Variants in SMYD3 observed in about 807,000 individuals in gnomAD.
SMYD3 encodes SET and MYND domain containing 3.
SMYD3 carries 36 observed loss-of-function variants against 57.7 expected under a neutral mutation model. The observed-to-expected ratio is 0.62, with a 90% CI of 0.48 to 0.82. The LOEUF is 0.82. Among genes scored for constraint, SMYD3 ranks in the 40% least tolerant of loss-of-function variants. SMYD3 has a pLI of 0.00. For synonymous variants in SMYD3, 211 were observed against 195.0 expected, an observed-to-expected ratio of 1.08 and a Z score of -0.68; for missense variants, 515 against 538.8, an observed-to-expected ratio of 0.96 and a Z score of 0.44.
intron 10 of SMYD3, among the ~76,000 whole-genome samples, chr1:245,798,529 AGCCACCCAGC>A (rs2047698594): frequency 7.0e-6 from 1 of 143,042 alleles, no homozygotes; most frequent in African/African-American, 2.6e-5. Flanking sequence ...CATGCTTAAG[AGCCACCCAGC>A]TTCTTAATCT....
intron 2 of SMYD3, among the ~76,000 whole-genome samples, chr1:246,348,060 T>TTATATATATA (rs200573424): frequency 6.0e-5 from 5 of 82,976 alleles, no homozygotes; most frequent in African/African-American, 2.1e-4. Context: ...AAAGAAAACG[T>TTATATATATA]TATATATATA....
chr1:246,380,816 T>C (rs2066375906), intron 1 of SMYD3, among the ~76,000 whole-genome samples: 1 of 152,206 alleles, frequency 6.6e-6, no homozygotes, highest in Admixed American at 6.5e-5. Flanking sequence ...TCTGAAGTAA[T>C]AGTTACTGTG....
At position 245,927,128 on chromosome 1, in the gene SMYD3, C is replaced by CT. The variant is rs1405684009; in HGVS notation, c.702+802dup. Among the ~76,000 whole-genome samples, 5 of 152,210 alleles carry CT rather than the reference C, an allele frequency of 3.3e-5. No individual in the cohort carries two copies. In the East Asian group the frequency reaches 9.6e-4, roughly 29 times the overall value. On this transcript the variant is annotated intron_variant, in intron 7 of 11. Transcript: ENST00000490107. The stretch of plus-strand genomic sequence containing the variant: ...CTGTTTTCCTTGCAATAAATATCCA[C>CT]TTTAGCAAATTGGAAAGGAGAAGGA...
chr1:246,244,615 G>A (rs2063671831), intron 5 of SMYD3, among the ~76,000 whole-genome samples: 1 of 152,180 alleles, frequency 6.6e-6, no homozygotes, highest in African/African-American at 2.4e-5. Flanking sequence ...TGCTATGTCA[G>A]TCTGTTATGG....
At chr1:246,134,949 A>C (rs1473822061) in intron 5 of SMYD3, among the ~76,000 whole-genome samples, 3 of 152,050 alleles carry the variant, frequency 2.0e-5, no homozygotes, top group Non-Finnish European at 4.4e-5. Flanking sequence ...AAAAAAAAAA[A>C]ACTTAGCATA....
intron 1 of SMYD3, among the ~76,000 whole-genome samples, chr1:246,364,989 A>G (rs1045522126): frequency 2.0e-5 from 3 of 152,226 alleles, no homozygotes; most frequent in Non-Finnish European, 1.5e-5. Flanking sequence ...GTAACTACAT[A>G]AGTTTCTGAA....
intron 5 of SMYD3, among the ~76,000 whole-genome samples, chr1:246,204,174 C>T (rs1014971937): frequency 2.6e-5 from 4 of 152,174 alleles, no homozygotes; most frequent in African/African-American, 9.7e-5. Flanking sequence ...CCCCCAAAAA[C>T]TGTAAGTGGG....
At chr1:245,907,961 C>T (rs2148633253) in intron 8 of SMYD3, among the ~76,000 whole-genome samples, 1 of 152,172 alleles carries the variant, frequency 6.6e-6, no homozygotes, top group South Asian at 2.1e-4. Flanking sequence ...TATGATGAAA[C>T]CCTGTCTCTA....
At chr1:245,793,144 C>G (rs1353193141) in intron 10 of SMYD3, among the ~76,000 whole-genome samples, 1 of 148,028 alleles carries the variant, frequency 6.8e-6, no homozygotes, top group African/African-American at 2.5e-5. Flanking sequence ...CCCGTCTCTA[C>G]TAAAAATACA....
chr1:246,183,770 A>G (rs2062590504), intron 5 of SMYD3, among the ~76,000 whole-genome samples: 3 of 152,220 alleles, frequency 2.0e-5, no homozygotes, highest in Admixed American at 6.5e-5. Flanking sequence ...CAGATGAGAA[A>G]GAAGCTTCTA....
intron 5 of SMYD3, among the ~76,000 whole-genome samples, chr1:246,060,258 A>G (rs1030444584): frequency 6.6e-6 from 1 of 152,138 alleles, no homozygotes; most frequent in East Asian, 1.9e-4. Flanking sequence ...ACTGCACTCC[A>G]GCCTGGGCAA....
At chr1:246,015,887 C>G (rs989863713) in intron 5 of SMYD3, among the ~76,000 whole-genome samples, 6 of 152,024 alleles carry the variant, frequency 3.9e-5, no homozygotes, top group African/African-American at 9.7e-5. Context: ...CGAGTACCTG[C>G]TGGATTCCAA....
intron 9 of SMYD3, among the ~76,000 whole-genome samples, chr1:245,860,400 C>A (rs1170029961): frequency 6.6e-6 from 1 of 152,206 alleles, no homozygotes; most frequent in African/African-American, 2.4e-5. Context: ...GCAAATACTT[C>A]TAATAAACCA....
At chr1:245,767,914 G>A (rs570816906) in intron 10 of SMYD3, among the ~76,000 whole-genome samples, 1 of 152,222 alleles carries the variant, frequency 6.6e-6, no homozygotes, top group African/African-American at 2.4e-5. Flanking sequence ...AAGAAAATTG[G>A]AAAACAGACC....
intron 8 of SMYD3, among the ~76,000 whole-genome samples, chr1:245,895,495 A>G (rs1237668492): frequency 6.8e-6 from 1 of 147,248 alleles, no homozygotes; most frequent in African/African-American, 2.5e-5. Context: ...AGCAAAATAG[A>G]GTAAGGCAGC....
intron 5 of SMYD3, among the ~76,000 whole-genome samples, chr1:245,944,723 C>T (rs1365976774): frequency 6.6e-6 from 1 of 152,154 alleles, no homozygotes; most frequent in Non-Finnish European, 1.5e-5. Flanking sequence ...AGGCATCATG[C>T]TACCAAACTT....
At chr1:246,061,084 G>A (rs2060244781) in intron 5 of SMYD3, among the ~76,000 whole-genome samples, 2 of 152,070 alleles carry the variant, frequency 1.3e-5, no homozygotes, top group South Asian at 4.2e-4. Flanking sequence ...TTAGCCAGGC[G>A]TGCTGGCAGG....
chr1:246,461,433 TA>T (rs2067796348), intron 1 of SMYD3, among the ~76,000 whole-genome samples: 1 of 152,192 alleles, frequency 6.6e-6, no homozygotes, highest in African/African-American at 2.4e-5. Flanking sequence ...AGTAAAAACT[TA>T]GAACAATTTT....
Position 246,405,909 on chromosome 1 carries a change from C to CAA in SMYD3, c.165-50817_165-50816dup, listed in dbSNP as rs372884120. Reference sequence around the variant, plus strand: ...TGGGCGACAGAGCAAGACTCTGTCTCAAAAAAAAAAAAAAAAGAAAGAAAG... The same window carrying CAA: ...TGGGCGACAGAGCAAGACTCTGTCTCAAAAAAAAAAAAAAAAAAGAAAGAAAG... On this transcript the variant is annotated intron_variant, in intron 1 of 11. Transcript: ENST00000490107. Among the ~76,000 whole-genome samples, 330 of 87,342 alleles carry CAA rather than the reference C, an allele frequency of 3.8e-3. 2 individuals are homozygous for CAA. The highest frequency in any genetic ancestry group is 0.025 in the Middle Eastern group (4 of 158). The allele number at this position is 87,342 out of a possible 152,430, so 57.3% of individuals were successfully genotyped here. A position where few individuals can be genotyped will look rare whatever the true frequency, so the allele number is the denominator to read the frequency against.
Sources: allele counts gnomAD v4.1 joint callset (sites outside exome capture counted in the v4.1 genomes callset), GRCh38; gene constraint gnomAD v4.1.1; transcripts MANE v1.5; gene names NCBI Gene and HGNC (gene_info 2026-07-23, HGNC 2026-07-21).